The following ZNF543 variants were observed in gnomAD, a reference collection of about 807,000 sequenced individuals.
ZNF543 encodes the protein zinc finger protein 543.
Under a neutral mutation model 13.4 loss-of-function variants are expected in ZNF543, and 10 were observed. The observed-to-expected ratio is 0.75, with a 90% confidence interval of 0.46 to 1.26. ZNF543 has a LOEUF of 1.26. Among genes scored for constraint, ZNF543 ranks in the 50% most tolerant of loss-of-function variants. The pLI is 0.00. For missense variants in ZNF543, 768 were observed against 741.2 expected, an observed-to-expected ratio of 1.04 and a Z score of -0.42; for synonymous variants, 272 against 264.7, an observed-to-expected ratio of 1.03 and a Z score of -0.27.
chr19:57,329,440 G>C lies in ZNF543; in HGVS notation c.*175G>C. 1.3e-6 allele frequency: 1 copy of C among 773,766 alleles called. No individual in the cohort carries two copies. The highest frequency in any genetic ancestry group is 2.0e-6 in the Non-Finnish European group (1 of 503,480). The allele number at this position is 773,766 out of a possible 1,614,324, so 47.9% of individuals were successfully genotyped here. Reference sequence around the variant, plus strand: ...AATTCACCCATGAGAGAGACCCAGTGGTTGCTATGCACTTAGGAAAACTTT... The same window carrying C: ...AATTCACCCATGAGAGAGACCCAGTCGTTGCTATGCACTTAGGAAAACTTT... On this transcript the variant is annotated 3_prime_UTR_variant, in exon 4 of 4. Coordinates refer to ENST00000321545, the MANE Select transcript of ZNF543 (RefSeq NM_213598.4).
chr19:57,321,825 G>A (rs1600049729), intron 1 of ZNF543, among the ~76,000 whole-genome samples: 1 of 152,274 alleles, frequency 6.6e-6, no homozygotes, highest in African/African-American at 2.4e-5. Flanking sequence ...AGTTGAGCAG[G>A]CTTCCTTCTA....
In ZNF543 at chr19:57,329,056, G is replaced by C; in HGVS notation, c.1594G>C (p.Glu532Gln). The change falls in exon 4 of 4, where the codon GAG (glutamate) becomes CAG (glutamine). Residue 532 changes from glutamate to glutamine, a missense_variant. Coordinates refer to ENST00000321545, the MANE Select transcript of ZNF543 (RefSeq NM_213598.4). ...LIRHSIIHTG[E>Q]KPYECSECGK... ...TCGACACTCCATCATTCACACTGGA[G>C]AGAAGCCGTATGAATGCAGTGAGTG... 6.2e-7 allele frequency: 1 copy of C among 1,614,198 alleles called. No homozygotes were observed. Among genetic ancestry groups the C allele is most frequent in the Non-Finnish European group, 8.5e-7 (1 of 1,180,040 alleles).
Position 57,328,543 on chromosome 19 carries a change from C to G in ZNF543, c.1081C>G (p.His361Asp), listed in dbSNP as rs368623802. 61 of 1,613,926 alleles carry G rather than the reference C, an allele frequency of 3.8e-5. No individual in the cohort carries two copies. Among genetic ancestry groups the G allele is most frequent in the South Asian group, 1.4e-4 (13 of 91,068 alleles). Reference sequence around the variant, plus strand: ...ATACCTCACGTGGCACCAACAGATTCACACTGGAGTGAAACCCTTTGAATG... The same window carrying G: ...ATACCTCACGTGGCACCAACAGATTGACACTGGAGTGAAACCCTTTGAATG... ...RSYLTWHQQI[H>D]TGVKPFECNE... is the part of the protein sequence containing the mutation. The change falls in exon 4 of 4, where the codon CAC (histidine) becomes GAC (aspartate). Residue 361 changes from histidine to aspartate, a missense_variant. Coordinates refer to ENST00000321545, the MANE Select transcript of ZNF543 (RefSeq NM_213598.4).
In ZNF543 at chr19:57,328,451, ACAT is replaced by A; in HGVS notation, c.994_996del (p.Ile332del). 6.2e-7 allele frequency: 1 copy of A among 1,613,304 alleles called. No homozygotes were observed. Among genetic ancestry groups the A allele is most frequent in the Non-Finnish European group, 8.5e-7 (1 of 1,179,818 alleles). ...GATAGGCCAGGTTTCATTCGACACT[ACAT>A]CATCCACACGGGAGAGAAGCCCTAT... On this transcript the variant is annotated inframe_deletion, in exon 4 of 4. Transcript: ENST00000321545.
chr19:57,323,838 T>C (rs1219381958), intron 2 of ZNF543, 30 bp downstream of exon 2: 1 of 1,602,388 alleles, frequency 6.2e-7, no homozygotes, highest in Admixed American at 1.7e-5. Flanking sequence ...TGTGCTCCCT[T>C]AGGATTGAGT....
chr19:57,326,849 T>C, intron 3 of ZNF543, 121 bp downstream of exon 3: 2 of 715,556 alleles, frequency 2.8e-6, no homozygotes, highest in Non-Finnish European at 4.5e-6. Flanking sequence ...TTGGGATCCA[T>C]GGAGCCTCTC....
At chr19:57,320,921 C>A in intron 1 of ZNF543, 50 bp downstream of exon 1, 1 of 1,612,674 alleles carries the variant, frequency 6.2e-7, no homozygotes, top group Non-Finnish European at 8.5e-7. Flanking sequence ...CTTCTGGAGG[C>A]CTCGTGGGCA....
At position 57,328,723 on chromosome 19, in the gene ZNF543, A is replaced by C. The variant is rs769698101; in HGVS notation, c.1261A>C (p.Lys421Gln). Residue 421 changes from lysine (K) to glutamine (Q), a missense_variant, in exon 4 of 4, where the codon AAG becomes CAG. By Grantham distance (53) the Lys-to-Gln change is moderately conservative (BLOSUM62 1). This residue lies in a region of ZNF543 where 677 missense variants were observed against 631.4 expected (regional missense o/e 1.07). Transcript: ENST00000321545. ...GCATCAACGGATTCACACTGGGGAG[A>C]AGCCTTATGAATGCAGTGAATGTGG... ...KQHQRIHTGE[K>Q]PYECSECGKA... The C allele has an allele frequency of 8.7e-6, 14 of 1,613,872 alleles. No homozygotes were observed. Among genetic ancestry groups the C allele is most frequent in the Non-Finnish European group, 1.0e-5 (12 of 1,179,992 alleles).
At position 57,328,378 on chromosome 19, in the gene ZNF543, A is replaced by G. The variant is rs2088138074; in HGVS notation, c.916A>G (p.Thr306Ala). 1 of 1,613,728 alleles carries G rather than the reference A, an allele frequency of 6.2e-7. No homozygotes were observed. The highest frequency in any genetic ancestry group is 1.7e-5 in the Admixed American group (1 of 59,944). The part of the protein sequence containing the change: ...STFVLHHRSH[T>A]GEKPFVCKEC... Reference sequence around the variant, plus strand: ...TTTTGTCTTGCATCACAGGAGCCACACTGGAGAAAAACCCTTTGTGTGCAA... The same window carrying G: ...TTTTGTCTTGCATCACAGGAGCCACGCTGGAGAAAAACCCTTTGTGTGCAA... Residue 306 changes from threonine (T) to alanine (A), a missense_variant, in exon 4 of 4, where the codon ACT (threonine) becomes GCT (alanine). Transcript: ENST00000321545.
chr19:57,321,518 CAA>C (rs1302493734), intron 1 of ZNF543, among the ~76,000 whole-genome samples: 2 of 152,210 alleles, frequency 1.3e-5, no homozygotes, highest in African/African-American at 2.4e-5. Flanking sequence ...GAAATAATTG[CAA>C]AGAGTGACAG....
intron 3 of ZNF543, 139 bp downstream of exon 3, chr19:57,326,867 GCCC>G: frequency 1.1e-5 from 1 of 89,718 alleles, no homozygotes; most frequent in Non-Finnish European, 2.3e-5. Context: ...CTCCCCGCCC[GCCC>G]CCCCCCACCC....
At position 57,329,274 on chromosome 19, in the gene ZNF543, A is replaced by G. The variant is rs747020312; in HGVS notation, c.*9A>G. The G allele has an allele frequency of 4.4e-6, 7 of 1,585,200 alleles. No individual in the cohort carries two copies. Among genetic ancestry groups the G allele is most frequent in the Admixed American group, 3.5e-5 (2 of 56,486 alleles). Reference sequence around the variant, plus strand: ...AAGAAAATCTGTGGTGAAAGGGAACATCTTACCATCTGGCCATTCACACTG... The same window carrying G: ...AAGAAAATCTGTGGTGAAAGGGAACGTCTTACCATCTGGCCATTCACACTG... On this transcript the variant is annotated 3_prime_UTR_variant, in exon 4 of 4. Transcript: ENST00000321545.
At chr19:57,323,419 C>T (rs774274206) in intron 1 of ZNF543, among the ~76,000 whole-genome samples, 6 of 152,136 alleles carry the variant, frequency 3.9e-5, no homozygotes, top group Non-Finnish European at 8.8e-5. Flanking sequence ...GTCTCGATCT[C>T]CTGACCTCGT....
chr19:57,328,811 C>T lies in ZNF543; in HGVS notation c.1349C>T (p.Pro450Leu), dbSNP rs763438077. The stretch of plus-strand genomic sequence containing the variant: ...AAAAGGACCCACACAGGAGAAAAAC[C>T]CTATGAATGCAAAGAATGTGGAAAA... The part of the protein sequence containing the change: ...LHKRTHTGEK[P>L]YECKECGKAF... Residue 450 changes from proline to leucine, a missense_variant, in exon 4 of 4, where the codon CCC becomes CTC. Pro to Leu is a moderately conservative substitution (Grantham distance 98). This residue lies in a region of ZNF543 where 677 missense variants were observed against 631.4 expected (regional missense o/e 1.07). Transcript: ENST00000321545. 47 of 1,614,046 alleles carry T rather than the reference C, an allele frequency of 2.9e-5. No individual in the cohort carries two copies. The South Asian group carries it at 5.1e-4, about 17-fold the overall frequency.
chr19:57,323,373 T>G (rs565047146), intron 1 of ZNF543, among the ~76,000 whole-genome samples: 10 of 152,062 alleles, frequency 6.6e-5, no homozygotes, highest in African/African-American at 2.4e-4. Flanking sequence ...TTTGTATTTT[T>G]AGCAGAGACG....
At chr19:57,322,671 G>A (rs1013982169) in intron 1 of ZNF543, among the ~76,000 whole-genome samples, 8 of 152,138 alleles carry the variant, frequency 5.3e-5, no homozygotes, top group African/African-American at 1.7e-4. Flanking sequence ...GTGACTTTGG[G>A]TAGACTAGTG....
rs1369149143 is a variant in ZNF543, at chr19:57,329,380, A to G, written c.*115A>G. 3 of 1,417,462 alleles carry G rather than the reference A, an allele frequency of 2.1e-6. No individual in the cohort carries two copies. Among genetic ancestry groups the G allele is most frequent in the African/African-American group, 1.4e-5 (1 of 70,008 alleles). 87.8% of individuals were successfully genotyped at this position (1,417,462 alleles called of 1,614,324 possible). A position where few individuals can be genotyped will look rare whatever the true frequency, so the allele number is the denominator to read the frequency against. On this transcript the variant is annotated 3_prime_UTR_variant, in exon 4 of 4. Coordinates refer to ENST00000321545, the MANE Select transcript of ZNF543 (RefSeq NM_213598.4). ...TGTCGTCTAAACAATCAAGTTAGAA[A>G]TTGAACCAGCCTGGAGTCTTATTCT...
Position 57,328,750 on chromosome 19 carries a change from A to G in ZNF543, c.1288A>G (p.Lys430Glu). Residue 430 changes from lysine to glutamate, a missense_variant, in exon 4 of 4, where the codon AAG (lysine) becomes GAG (glutamate). Coordinates refer to ENST00000321545, the MANE Select transcript of ZNF543 (RefSeq NM_213598.4). ...GCCTTATGAATGCAGTGAATGTGGAAAGGCCTTCACCCACTGCTCCACTTT... is the reference window on the plus strand; with the variant it reads ...GCCTTATGAATGCAGTGAATGTGGAGAGGCCTTCACCCACTGCTCCACTTT... Reference protein sequence around the residue: ...EKPYECSECGKAFTHCSTFVL... With the variant: ...EKPYECSECGEAFTHCSTFVL... 1 of 1,614,148 alleles carries G rather than the reference A, an allele frequency of 6.2e-7. No homozygotes were observed. Among genetic ancestry groups the G allele is most frequent in the South Asian group, 1.1e-5 (1 of 91,074 alleles).
In ZNF543 at chr19:57,329,173, C is replaced by T. The variant is rs2088146783; in HGVS notation, c.1711C>T (p.Pro571Ser). ...NPTIVTDVGR[P>S]FMTAQTSVNI... ...TACCATTGTAACAGATGTGGGAAGA[C>T]CTTTTATGACTGCACAGACTTCAGT... Residue 571 changes from proline (P) to serine (S), a missense_variant, in exon 4 of 4, where the codon CCT (proline) becomes TCT (serine). Physicochemically the swap from Pro to Ser is moderately conservative, Grantham distance 74. Coordinates refer to ENST00000321545, the MANE Select transcript of ZNF543 (RefSeq NM_213598.4). 1.9e-6 allele frequency: 3 copies of T among 1,614,152 alleles called. No individual in the cohort carries two copies. The highest frequency in any genetic ancestry group is 2.2e-5 in the East Asian group (1 of 44,876).
Sources: gnomAD v4.1 joint callset for allele counts (sites outside exome capture counted in the v4.1 genomes callset) on GRCh38, gnomAD v4.1.1 for gene constraint, gnomAD v4.1.1 regional missense constraint, MANE v1.5 for transcripts, NCBI Gene and HGNC (gene_info 2026-07-23, HGNC 2026-07-21) for gene names.